MSRA: variants seen among roughly 807,000 people sequenced by gnomAD.
MSRA encodes mitochondrial peptide methionine sulfoxide reductase.
Under a neutral mutation model 31.3 loss-of-function variants are expected in MSRA, and 54 were observed. That is an observed-to-expected ratio of 1.73 (90% CI 1.39 to 2.17). The LOEUF (loss-of-function observed/expected upper bound fraction) is 2.17. MSRA is among the 30% of genes most tolerant of loss of function. The probability of loss-of-function intolerance (pLI) is 0.00; values close to 1 mark genes in which losing one functional copy is unlikely to be tolerated. For missense variants in MSRA, 507 were observed against 300.9 expected, an observed-to-expected ratio of 1.69 and a Z score of -5.07; for synonymous variants, 169 against 116.5, an observed-to-expected ratio of 1.45 and a Z score of -2.90.
intron 5 of MSRA, among the ~76,000 whole-genome samples, chr8:10,361,113 C>T (rs2129165142): frequency 6.6e-6 from 1 of 152,344 alleles, no homozygotes; most frequent in East Asian, 1.9e-4. Context: ...GGTTAAGTTC[C>T]TGCCTTCAGC....
intron 2 of MSRA, among the ~76,000 whole-genome samples, chr8:10,221,681 A>G (rs1810514637): frequency 6.6e-6 from 1 of 152,332 alleles, no homozygotes; most frequent in South Asian, 2.1e-4. Context: ...AAATATGTAA[A>G]GCATATGGCA....
intron 3 of MSRA, among the ~76,000 whole-genome samples, chr8:10,258,885 T>A (rs1798320513): frequency 6.6e-6 from 1 of 152,154 alleles, no homozygotes. Context: ...GGCGGGCAGA[T>A]CGCTTGAGGT....
At chr8:10,113,761 G>A (rs1448962773) in intron 1 of MSRA, among the ~76,000 whole-genome samples, 1 of 150,944 alleles carries the variant, frequency 6.6e-6, no homozygotes, top group African/African-American at 2.4e-5. Flanking sequence ...CCAGGTATTT[G>A]CATTTTTTTT....
At chr8:10,131,681 T>A (rs1364969466) in intron 1 of MSRA, among the ~76,000 whole-genome samples, 1 of 152,182 alleles carries the variant, frequency 6.6e-6, no homozygotes, top group Non-Finnish European at 1.5e-5. Context: ...TACCCTGTGG[T>A]TAGAAGATCT....
At chr8:10,325,473 G>A (rs2003226) in intron 5 of MSRA, among the ~76,000 whole-genome samples, 116,437 of 151,996 alleles carry the variant, frequency 0.77, 45,827 homozygotes, top group Non-Finnish European at 0.87. Flanking sequence ...GTTTATCTGT[G>A]TACATATATT....
At chr8:10,426,317 C>T (rs1053964875) in intron 5 of MSRA, among the ~76,000 whole-genome samples, 4 of 152,294 alleles carry the variant, frequency 2.6e-5, no homozygotes, top group African/African-American at 7.2e-5. Context: ...AGAAGGAATT[C>T]GGTGTTTACA....
At chr8:10,280,686 T>G (rs919814155) in intron 3 of MSRA, among the ~76,000 whole-genome samples, 14 of 152,228 alleles carry the variant, frequency 9.2e-5, no homozygotes, top group South Asian at 2.1e-4. Flanking sequence ...CCAAGAGTCA[T>G]GACAACCTGT....
At chr8:10,396,061 C>A (rs920227347) in intron 5 of MSRA, among the ~76,000 whole-genome samples, 1 of 152,160 alleles carries the variant, frequency 6.6e-6, no homozygotes, top group Non-Finnish European at 1.5e-5. Flanking sequence ...CTCCCCTTCC[C>A]ACAAGGGCCC....
intron 3 of MSRA, among the ~76,000 whole-genome samples, chr8:10,269,643 G>C (rs533419143): frequency 6.6e-6 from 1 of 151,680 alleles, no homozygotes; most frequent in African/African-American, 2.4e-5. Context: ...TGTTGTTGTT[G>C]TTGTTTGTTT....
intron 5 of MSRA, among the ~76,000 whole-genome samples, chr8:10,395,609 A>T (rs1048494006): frequency 2.6e-5 from 4 of 152,290 alleles, no homozygotes; most frequent in African/African-American, 9.6e-5. Flanking sequence ...CAGCATCATG[A>T]ATGAGTCATC....
intron 3 of MSRA, among the ~76,000 whole-genome samples, chr8:10,261,803 C>T (rs753380413): frequency 4.6e-5 from 7 of 152,122 alleles, no homozygotes; most frequent in Non-Finnish European, 1.0e-4. Context: ...CGTGTATCTA[C>T]CATTATAGAA....
chr8:10,071,622 C>A (rs947460136), intron 1 of MSRA, among the ~76,000 whole-genome samples: 2 of 151,804 alleles, frequency 1.3e-5, no homozygotes, highest in East Asian at 1.9e-4. Flanking sequence ...TTTTTGTTTT[C>A]CTTAAAGTTC....
chr8:10,386,613 G>T lies in MSRA; in HGVS notation c.544-41535G>T, dbSNP rs140824319. Among the ~76,000 whole-genome samples, 492 of 152,098 alleles carry T rather than the reference G, an allele frequency of 3.2e-3. 10 individuals carry two copies. In the East Asian group the frequency reaches 0.034, roughly 10 times the overall value. The stretch of plus-strand genomic sequence containing the variant: ...AGAGCTTGCCAAGACACAATTGTTG[G>T]GCCTTACCTGGAGCTTCTGATTCAG... On this transcript the variant is annotated intron_variant, in intron 5 of 5. Coordinates refer to ENST00000317173, the MANE Select transcript of MSRA (RefSeq NM_012331.5).
rs1325687616 is a variant in MSRA, at chr8:10,301,536, A to C, written c.334A>C (p.Lys112Gln). The change falls in exon 4 of 6, where the codon AAA becomes CAA. Residue 112 changes from lysine to glutamine, a missense_variant and splice_region_variant. Physicochemically the swap from Lys to Gln is moderately conservative, Grantham distance 53. Transcript: ENST00000317173. The stretch of plus-strand genomic sequence containing the variant: ...TTGTACGTTTTGTTTTTTCCAAGAA[A>C]AAACTGGCCATGCAGAAGTCGTCCG... Reference protein sequence around the residue: ...NPTYKEVCSEKTGHAEVVRVV... With the variant: ...NPTYKEVCSEQTGHAEVVRVV... 3.1e-6 allele frequency: 5 copies of C among 1,610,164 alleles called. No homozygotes were observed. Among genetic ancestry groups the C allele is most frequent in the Non-Finnish European group, 4.2e-6 (5 of 1,178,978 alleles).
At chr8:10,203,242 G>T (rs1563214155) in intron 1 of MSRA, among the ~76,000 whole-genome samples, 1 of 152,104 alleles carries the variant, frequency 6.6e-6, no homozygotes, top group Non-Finnish European at 1.5e-5. Flanking sequence ...CCACCTCTCA[G>T]TTGAGACTAG....
chr8:10,323,800 G>A (rs777916067), intron 5 of MSRA, among the ~76,000 whole-genome samples: 1 of 148,084 alleles, frequency 6.8e-6, no homozygotes, highest in African/African-American at 2.5e-5. Flanking sequence ...CTGCATGTCT[G>A]CATGTCTATG....
At chr8:10,073,505 T>A (rs184823806) in intron 1 of MSRA, among the ~76,000 whole-genome samples, 196 of 152,354 alleles carry the variant, frequency 1.3e-3, no homozygotes, top group African/African-American at 4.2e-3. Flanking sequence ...AGAAAAGGTT[T>A]GCTGAATCTT....
chr8:10,197,459 G>C (rs2170919), intron 1 of MSRA, among the ~76,000 whole-genome samples: 20 of 152,176 alleles, frequency 1.3e-4, no homozygotes, highest in African/African-American at 4.6e-4. Flanking sequence ...GGCATGTGTT[G>C]ACGTGTCTGA....
intron 1 of MSRA, among the ~76,000 whole-genome samples, chr8:10,157,525 G>C (rs1379074979): frequency 6.6e-6 from 1 of 152,130 alleles, no homozygotes; most frequent in African/African-American, 2.4e-5. Flanking sequence ...GGGATAGTGG[G>C]AGGTGGCTGG....
Sources: gnomAD v4.1 joint callset for allele counts (sites outside exome capture counted in the v4.1 genomes callset) on GRCh38, gnomAD v4.1.1 for gene constraint, MANE v1.5 for transcripts, NCBI Gene and HGNC (gene_info 2026-07-23, HGNC 2026-07-21) for gene names.